The following BMPER variants were observed in gnomAD, a reference collection of about 807,000 sequenced individuals.
BMPER encodes BMP-binding endothelial regulator protein.
BMPER carries 45 observed loss-of-function variants against 87.3 expected under a neutral mutation model. The ratio of observed to expected loss-of-function variants is 0.52; its 90% CI spans 0.41 to 0.66. BMPER has a LOEUF of 0.66. Ranked by LOEUF, BMPER falls within the 30% of genes least tolerant of loss-of-function variation. BMPER has a pLI of 0.00. For missense variants in BMPER, 784 were observed against 867.5 expected (o/e 0.90, Z 1.21); for synonymous variants, 326 against 316.2 (o/e 1.03, Z -0.33).
At chr7:33,960,475 A>T (rs982261838) in intron 3 of BMPER, among the ~76,000 whole-genome samples, 2 of 152,220 alleles carry the variant, frequency 1.3e-5, no homozygotes, top group Non-Finnish European at 2.9e-5. Flanking sequence ...GTGCCCTATC[A>T]GGTGGCCTGG....
At chr7:34,065,040 A>G (rs1788539499) in intron 11 of BMPER, among the ~76,000 whole-genome samples, 1 of 152,224 alleles carries the variant, frequency 6.6e-6, no homozygotes, top group African/African-American at 2.4e-5. Context: ...TTTGTAAATT[A>G]TGAAAGCTCT....
In BMPER at chr7:34,046,020, C is replaced by T. The variant is rs80053578; in HGVS notation, c.577-286C>T. 0.095 allele frequency among the ~76,000 whole-genome samples: 14,451 copies of T among 152,104 alleles called. 795 individuals are homozygous for T. Among genetic ancestry groups the T allele is most frequent in the African/African-American group, 0.16 (6,555 of 41,478 alleles). On this transcript the variant is annotated intron_variant, in intron 6 of 14. Coordinates refer to ENST00000649409, the MANE Select transcript of BMPER (RefSeq NM_001365308.1). ...AGAGAGAGTTTTGATCATCCTATAC[C>T]TACTGTAAAGGTGGTTTTGAGATGC...
At chr7:33,972,954 C>T (rs971854800) in intron 5 of BMPER, among the ~76,000 whole-genome samples, 1 of 152,100 alleles carries the variant, frequency 6.6e-6, no homozygotes, top group African/African-American at 2.4e-5. Context: ...TCAAGAGAAG[C>T]CTTGGGTATC....
intron 6 of BMPER, among the ~76,000 whole-genome samples, chr7:34,002,547 A>G (rs1017510996): frequency 4.0e-5 from 6 of 151,828 alleles, no homozygotes; most frequent in Admixed American, 3.9e-4. Context: ...CTACTTGATT[A>G]ACAGTGTTTT....
At position 34,078,857 on chromosome 7, in the gene BMPER, A is replaced by C. The variant is rs771003571; in HGVS notation, c.1079A>C (p.Lys360Thr). ...RKGCCPICTEKPGVCTVFGDP... is the reference protein window; with the variant it reads ...RKGCCPICTETPGVCTVFGDP... ...GCTTTTGTCTCTCACTCCTCCGCAG[A>C]GCCCGGCGTTTGCACGGTGTTTGGA... The change falls in exon 12 of 15, where the codon AAG becomes ACG. Residue 360 changes from lysine to threonine, a missense_variant and splice_region_variant. Lys to Thr is a moderately conservative substitution (Grantham distance 78). Transcript: ENST00000649409. 1.2e-6 allele frequency: 2 copies of C among 1,614,026 alleles called. No homozygotes were observed. The highest frequency in any genetic ancestry group is 1.1e-5 in the South Asian group (1 of 91,070).
At chr7:33,940,869 A>G (rs1389576498) in intron 3 of BMPER, among the ~76,000 whole-genome samples, 1 of 141,372 alleles carries the variant, frequency 7.1e-6, no homozygotes, top group African/African-American at 2.6e-5. Context: ...TATATATTAT[A>G]TTATATATAT....
At chr7:33,941,108 A>C (rs1784751689) in intron 3 of BMPER, among the ~76,000 whole-genome samples, 1 of 137,000 alleles carries the variant, frequency 7.3e-6, no homozygotes, top group Non-Finnish European at 1.5e-5. Context: ...GTAATATATT[A>C]CATATAATTT....
At chr7:33,952,295 A>G (rs73314400) in intron 3 of BMPER, among the ~76,000 whole-genome samples, 8,441 of 152,276 alleles carry the variant, frequency 0.055, 768 homozygotes, top group African/African-American at 0.19. Flanking sequence ...TGAAGAGTAA[A>G]CTGCTCAGCA....
chr7:33,963,113 T>G (rs1355792570), intron 3 of BMPER, among the ~76,000 whole-genome samples: 1 of 152,218 alleles, frequency 6.6e-6, no homozygotes, highest in Admixed American at 6.5e-5. Context: ...GAGTAAGCCC[T>G]TTAGCCTTTT....
chr7:34,127,473 G>A (rs1034293664), intron 13 of BMPER, among the ~76,000 whole-genome samples: 1 of 152,076 alleles, frequency 6.6e-6, no homozygotes, highest in Non-Finnish European at 1.5e-5. Context: ...AAGTCAGCAT[G>A]CACTACCAAT....
chr7:33,996,279 A>T (rs918803428), intron 6 of BMPER, among the ~76,000 whole-genome samples: 1 of 152,128 alleles, frequency 6.6e-6, no homozygotes. Flanking sequence ...GGAATAATAC[A>T]TGCTGTGCCT....
chr7:33,983,207 C>T (rs1785910115), intron 6 of BMPER, among the ~76,000 whole-genome samples: 1 of 152,072 alleles, frequency 6.6e-6, no homozygotes, highest in South Asian at 2.1e-4. Flanking sequence ...GTTTGCAGGA[C>T]AAATCCTAAA....
intron 3 of BMPER, among the ~76,000 whole-genome samples, chr7:33,964,161 AAACCC>A (rs1785344798): frequency 1.3e-5 from 2 of 152,192 alleles, no homozygotes; most frequent in Non-Finnish European, 2.9e-5. Flanking sequence ...CTTAGAACGT[AAACCC>A]AAAGAGTGAT....
intron 5 of BMPER, among the ~76,000 whole-genome samples, chr7:33,971,371 C>T (rs1293611285): frequency 6.6e-6 from 1 of 152,188 alleles, no homozygotes; most frequent in Non-Finnish European, 1.5e-5. Context: ...CAAGGATAGC[C>T]AGCTTCCACT....
chr7:33,960,132 G>T (rs528668226), intron 3 of BMPER, among the ~76,000 whole-genome samples: 3 of 152,294 alleles, frequency 2.0e-5, no homozygotes, highest in Non-Finnish European at 4.4e-5. Flanking sequence ...GGGAGCACAC[G>T]CTACTATTTA....
At chr7:34,017,646 T>C (rs1242481272) in intron 6 of BMPER, among the ~76,000 whole-genome samples, 4 of 151,882 alleles carry the variant, frequency 2.6e-5, no homozygotes, top group Non-Finnish European at 5.9e-5. Flanking sequence ...AATTAAACAG[T>C]TATTCTCAAA....
chr7:34,068,690 T>G (rs1788659488), intron 11 of BMPER, among the ~76,000 whole-genome samples: 1 of 152,020 alleles, frequency 6.6e-6, no homozygotes, highest in African/African-American at 2.4e-5. Flanking sequence ...AATTTTCTTT[T>G]TAAGTACACA....
At chr7:34,033,049 G>A (rs1369005358) in intron 6 of BMPER, among the ~76,000 whole-genome samples, 1 of 152,138 alleles carries the variant, frequency 6.6e-6, no homozygotes, top group Non-Finnish European at 1.5e-5. Context: ...CATTGTATAT[G>A]GAAGTCCACA....
intron 3 of BMPER, among the ~76,000 whole-genome samples, chr7:33,938,959 A>T (rs374052221): frequency 9.8e-5 from 15 of 152,294 alleles, no homozygotes; most frequent in Middle Eastern, 3.4e-3. Context: ...CAGGAGGCAG[A>T]AGTTGCAGTG....
Sources: gnomAD v4.1 joint callset for allele counts (sites outside exome capture counted in the v4.1 genomes callset) on GRCh38, gnomAD v4.1.1 for gene constraint, MANE v1.5 for transcripts, NCBI Gene and HGNC (gene_info 2026-07-23, HGNC 2026-07-21) for gene names.